Variants in FAM78B observed in about 807,000 individuals in gnomAD.
The protein encoded by FAM78B is family with sequence similarity 78 member B, also known as protein FAM78B.
FAM78B carries 10 observed loss-of-function variants against 20.0 expected under a neutral mutation model. That is an observed-to-expected ratio of 0.50 (90% CI 0.31 to 0.85). The LOEUF is 0.85. Among genes scored for constraint, FAM78B ranks in the 40% least tolerant of loss-of-function variants. The pLI is 0.05. For synonymous variants in FAM78B, 135 were observed against 132.8 expected, an observed-to-expected ratio of 1.02 and a Z score of -0.12; for missense variants, 283 against 345.0, an observed-to-expected ratio of 0.82 and a Z score of 1.42.
chr1:166,106,595 C>T (rs1160033449), intron 1 of FAM78B, among the ~76,000 whole-genome samples: 1 of 152,030 alleles, frequency 6.6e-6, no homozygotes, highest in African/African-American at 2.4e-5. Context: ...CATTTAAGGG[C>T]ATTTAAGTGA....
intron 1 of FAM78B, among the ~76,000 whole-genome samples, chr1:166,125,832 AT>A (rs34168180): frequency 1.0e-3 from 134 of 128,786 alleles, no homozygotes; most frequent in African/African-American, 2.1e-3. Context: ...GCTACTTTGA[AT>A]TTTTTTTTTT....
chr1:166,071,553 C>T (rs1053781850), intron 1 of FAM78B, among the ~76,000 whole-genome samples: 1 of 152,244 alleles, frequency 6.6e-6, no homozygotes, highest in African/African-American at 2.4e-5. Flanking sequence ...AATGTCTCTA[C>T]CCCCTGCTGT....
At chr1:166,084,779 C>G (rs1407724761) in intron 1 of FAM78B, among the ~76,000 whole-genome samples, 1 of 152,142 alleles carries the variant, frequency 6.6e-6, no homozygotes, top group Non-Finnish European at 1.5e-5. Context: ...TGACTTGCTG[C>G]TTGTCAGGCT....
At chr1:166,160,554 G>A (rs1167199363) in intron 1 of FAM78B, among the ~76,000 whole-genome samples, 1 of 152,236 alleles carries the variant, frequency 6.6e-6, no homozygotes, top group Non-Finnish European at 1.5e-5. Context: ...TAACGCAAAA[G>A]CACAGCGGAG....
At chr1:166,097,087 A>G (rs1405811069) in intron 1 of FAM78B, among the ~76,000 whole-genome samples, 1 of 152,190 alleles carries the variant, frequency 6.6e-6, no homozygotes, top group Non-Finnish European at 1.5e-5. Flanking sequence ...TCCTCTCTTG[A>G]ACACACACCC....
chr1:166,084,115 C>T (rs996504939), intron 1 of FAM78B, among the ~76,000 whole-genome samples: 3 of 151,878 alleles, frequency 2.0e-5, no homozygotes, highest in Non-Finnish European at 4.4e-5. Context: ...GAAAGACGCA[C>T]ATCCACAGAT....
intron 1 of FAM78B, among the ~76,000 whole-genome samples, chr1:166,080,611 T>G (rs1484840829): frequency 2.0e-5 from 3 of 152,218 alleles, no homozygotes; most frequent in African/African-American, 7.2e-5. Context: ...CTGCCTTTTC[T>G]CTTCATCTTC....
chr1:166,095,177 C>T (rs1653229210), intron 1 of FAM78B, among the ~76,000 whole-genome samples: 1 of 152,154 alleles, frequency 6.6e-6, no homozygotes, highest in African/African-American at 2.4e-5. Context: ...GAAGGTCCGT[C>T]CTCAGGGTGG....
chr1:166,058,839 C>T (rs766930142), exon 3 of FAM78B: 1 of 152,426 alleles, frequency 6.6e-6, no homozygotes, highest in South Asian at 2.1e-4. Flanking sequence ...CTCTTCTCAG[C>T]CATCTAGGAT....
At chr1:166,065,682 C>T (rs1651769023), downstream of FAM78B, among the ~76,000 whole-genome samples, 1 of 152,148 alleles carries the variant, frequency 6.6e-6, no homozygotes, top group South Asian at 2.1e-4. Context: ...TGGCAACTGG[C>T]AACTCTTCTG....
intron 2 of FAM78B, among the ~76,000 whole-genome samples, chr1:166,064,201 T>G (rs1571123271): frequency 1.3e-5 from 2 of 152,290 alleles, no homozygotes; most frequent in East Asian, 3.9e-4. Context: ...GCCTGGGGAC[T>G]GTAGGGTACA....
At chr1:166,139,889 T>C (rs10800196) in intron 1 of FAM78B, among the ~76,000 whole-genome samples, 1 of 152,142 alleles carries the variant, frequency 6.6e-6, no homozygotes, top group Admixed American at 6.5e-5. Flanking sequence ...TGCTGTGAGG[T>C]TGGAGGGAAG....
At chr1:166,082,033 C>T (rs1416293381) in intron 1 of FAM78B, among the ~76,000 whole-genome samples, 1 of 152,176 alleles carries the variant, frequency 6.6e-6, no homozygotes, top group African/African-American at 2.4e-5. Context: ...CCATGCAGGT[C>T]CTCTCCTCAC....
chr1:166,119,546 C>T (rs1013992112), intron 1 of FAM78B, among the ~76,000 whole-genome samples: 2 of 152,200 alleles, frequency 1.3e-5, no homozygotes, highest in African/African-American at 2.4e-5. Flanking sequence ...GCATGCTCTA[C>T]ATTTGTCCAG....
At chr1:166,083,790 C>T (rs1295116655) in intron 1 of FAM78B, among the ~76,000 whole-genome samples, 2 of 138,702 alleles carry the variant, frequency 1.4e-5, no homozygotes, top group African/African-American at 2.7e-5. Flanking sequence ...GCGTGAGCCA[C>T]GCACCCAGCT....
At chr1:166,125,990 C>A (rs1283251828) in intron 1 of FAM78B, among the ~76,000 whole-genome samples, 1 of 152,016 alleles carries the variant, frequency 6.6e-6, no homozygotes, top group Admixed American at 6.6e-5. Context: ...TACTACCATG[C>A]CCAGCTAATT....
intron 1 of FAM78B, among the ~76,000 whole-genome samples, chr1:166,084,266 TTCTCTC>T (rs1158782845): frequency 3.0e-5 from 3 of 99,410 alleles, no homozygotes; most frequent in Non-Finnish European, 6.6e-5. Context: ...CTCTCTCTCT[TTCTCTC>T]TCTCTCTTTG....
chr1:166,067,701 G>A (rs952939960), downstream of FAM78B, among the ~76,000 whole-genome samples: 2 of 152,142 alleles, frequency 1.3e-5, no homozygotes, highest in African/African-American at 4.8e-5. Context: ...TGGCTAAAGG[G>A]CAATAGAGCA....
chr1:166,086,296 G>C (rs1210356654), intron 1 of FAM78B, among the ~76,000 whole-genome samples: 3 of 152,130 alleles, frequency 2.0e-5, no homozygotes, highest in Admixed American at 1.3e-4. Flanking sequence ...CCACAGCACA[G>C]GGTTTCCTCA....
Sources: gnomAD v4.1 joint callset for allele counts (sites outside exome capture counted in the v4.1 genomes callset) on GRCh38, gnomAD v4.1.1 for gene constraint, MANE v1.5 for transcripts, NCBI Gene and HGNC (gene_info 2026-07-23, HGNC 2026-07-21) for gene names.